The following RTN4 variants were observed in gnomAD, a reference collection of about 807,000 sequenced individuals.
RTN4 encodes the protein reticulon-4.
RTN4 carries 32 observed loss-of-function variants against 90.4 expected under a neutral mutation model. That is an observed-to-expected ratio of 0.35 (90% CI 0.27 to 0.48). The LOEUF is 0.48. Ranked by LOEUF, RTN4 falls within the 20% of genes least tolerant of loss-of-function variation. The probability of loss-of-function intolerance (pLI) is 0.99; values close to 1 mark genes in which losing one functional copy is unlikely to be tolerated. For synonymous variants in RTN4, 629 were observed against 552.5 expected, an observed-to-expected ratio of 1.14 and a Z score of -1.94; for missense variants, 1,706 against 1,430.2, an observed-to-expected ratio of 1.19 and a Z score of -3.11.
intron 8 of RTN4, 140 bp from the exon 9 acceptor site, chr2:54,973,338 T>G: frequency 1.1e-6 from 1 of 895,562 alleles, no homozygotes. Context: ...GCTATAATTT[T>G]GCCACCTTGG....
At chr2:55,063,992 G>A (rs929789305) in intron 2 of RTN4, among the ~76,000 whole-genome samples, 2 of 152,074 alleles carry the variant, frequency 1.3e-5, no homozygotes, top group Non-Finnish European at 1.5e-5. Flanking sequence ...CGACCAAGGT[G>A]GGAAGATTAC....
At chr2:54,998,916 C>T (rs1679653369) in intron 3 of RTN4, among the ~76,000 whole-genome samples, 2 of 152,148 alleles carry the variant, frequency 1.3e-5, no homozygotes, top group East Asian at 1.9e-4. Context: ...TCCTTCTATA[C>T]TGCAGAATAA....
intron 3 of RTN4, among the ~76,000 whole-genome samples, chr2:55,003,009 G>A (rs1432347344): frequency 2.6e-5 from 4 of 152,112 alleles, no homozygotes; most frequent in Non-Finnish European, 5.9e-5. Flanking sequence ...TAGGCACCAA[G>A]TCTTAGAAAC....
intron 1 of RTN4, among the ~76,000 whole-genome samples, chr2:55,101,464 A>C (rs924978748): frequency 6.6e-6 from 1 of 152,160 alleles, no homozygotes; most frequent in African/African-American, 2.4e-5. Flanking sequence ...TAATACAATA[A>C]CTGAAGTATT....
At chr2:55,077,451 A>C (rs1668623446) in intron 2 of RTN4, among the ~76,000 whole-genome samples, 1 of 152,164 alleles carries the variant, frequency 6.6e-6, no homozygotes, top group African/African-American at 2.4e-5. Flanking sequence ...GCCATAATCA[A>C]AAAATCAAAA....
intron 2 of RTN4, among the ~76,000 whole-genome samples, chr2:55,069,059 G>A (rs1164066891): frequency 1.3e-5 from 2 of 152,186 alleles, no homozygotes; most frequent in East Asian, 3.8e-4. Flanking sequence ...TGGGGAGAGG[G>A]CAAATAACAT....
intron 2 of RTN4, among the ~76,000 whole-genome samples, chr2:55,068,473 G>T (rs1668432171): frequency 6.6e-6 from 1 of 152,076 alleles, no homozygotes; most frequent in African/African-American, 2.4e-5. Flanking sequence ...TCACAGTGGT[G>T]AATACAGGTC....
intron 1 of RTN4, among the ~76,000 whole-genome samples, chr2:55,036,092 C>T (rs1682662127): frequency 6.6e-6 from 1 of 151,994 alleles, no homozygotes; most frequent in Non-Finnish European, 1.5e-5. Context: ...CAAACACTTC[C>T]CATAAAATTT....
rs1408261664 is a variant in RTN4 at position 54,973,614 on chromosome 2, A to G, written c.3485T>C (p.Ile1162Thr). 1.2e-6 allele frequency: 2 copies of G among 1,609,208 alleles called. No individual in the cohort carries two copies. Among genetic ancestry groups the G allele is most frequent in the Non-Finnish European group, 1.7e-6 (2 of 1,175,712 alleles). The change falls in exon 8 of 9, where the codon ATA (isoleucine) becomes ACA (threonine). Residue 1162 changes from isoleucine to threonine, a missense_variant. Physicochemically the swap from Ile to Thr is moderately conservative, Grantham distance 89 (BLOSUM62 -1). Coordinates refer to ENST00000337526, the MANE Select transcript of RTN4 (RefSeq NM_020532.5). ...PVIYERHQAQ[I>T]DHYLGLANKN... is the part of the protein sequence containing the mutation. ...ATTTGCAAGTCCTAGATAATGATCTATCTGTGCCTGAAAGAGAGGTATAAA... is the reference window on the plus strand; with the variant it reads ...ATTTGCAAGTCCTAGATAATGATCTGTCTGTGCCTGAAAGAGAGGTATAAA...
In RTN4 at chr2:55,089,527, C is replaced by T. The variant is rs369682009; in HGVS notation, c.-213-8888G>A. Among the ~76,000 whole-genome samples, 111 of 152,306 alleles carry T rather than the reference C, an allele frequency of 7.3e-4. 3 individuals carry two copies. In the South Asian group the frequency reaches 0.02, roughly 28 times the overall value. The stretch of plus-strand genomic sequence containing the variant: ...CCGGCATGATCTGCCAGGTAATTAA[C>T]GGATTTATCAATTACGGAAAAATCT... On this transcript the variant is annotated intron_variant, in intron 1 of 3. Transcript: ENST00000427710.
At chr2:55,054,749 C>T (rs149986630), upstream of RTN4, among the ~76,000 whole-genome samples, 104 of 152,202 alleles carry the variant, frequency 6.8e-4, no homozygotes, top group African/African-American at 2.4e-3. Context: ...TGTTCAGGAG[C>T]GCCACTGAAT....
intron 2 of RTN4, among the ~76,000 whole-genome samples, chr2:55,067,158 G>T (rs1277858796): frequency 6.6e-6 from 1 of 152,110 alleles, no homozygotes; most frequent in Admixed American, 6.5e-5. Flanking sequence ...TTAATGTCCA[G>T]CTCTGTCACT....
Position 55,026,077 on chromosome 2 carries a change from C to T in RTN4, c.2022G>A (p.Lys674=), listed in dbSNP as rs1224265733. Residue 674 remains lysine, a synonymous_variant, in exon 3 of 9, where the codon AAG becomes AAA. Transcript: ENST00000337526. The part of the protein sequence containing the change: ...SVSLKKVSGI[K]EEIKEPENIN... ...TATTTTCAGGCTCTTTAATTTCTTC[C>T]TTTATTCCTGATACTTTTTTTAGTG... is the stretch of plus-strand genomic sequence containing the variant. 6.2e-7 allele frequency: 1 copy of T among 1,611,188 alleles called. No homozygotes were observed. The highest frequency in any genetic ancestry group is 1.1e-5 in the South Asian group (1 of 90,414).
In RTN4 at chr2:55,088,922, GTTAT is replaced by G. The variant is rs139755357; in HGVS notation, c.-213-8287_-213-8284del. Among the ~76,000 whole-genome samples, 4 of 152,004 alleles carry G rather than the reference GTTAT, an allele frequency of 2.6e-5. No individual in the cohort carries two copies. In the East Asian group the frequency reaches 7.7e-4, roughly 29 times the overall value. On this transcript the variant is annotated intron_variant, in intron 1 of 3. Coordinates refer to the RTN4 transcript ENST00000427710. Reference sequence around the variant, plus strand: ...GCCAGACTGACAGCACAAGAATAGGGTTATTTATTTATTTATTTATTTATTTTGA... The same window carrying G: ...GCCAGACTGACAGCACAAGAATAGGGTTATTTATTTATTTATTTATTTTGA...
chr2:55,095,071 C>T (rs1669006672), intron 1 of RTN4, among the ~76,000 whole-genome samples: 1 of 152,096 alleles, frequency 6.6e-6, no homozygotes, highest in Non-Finnish European at 1.5e-5. Flanking sequence ...CACCTGTAAT[C>T]GCAGCACTTG....
intron 3 of RTN4, among the ~76,000 whole-genome samples, chr2:55,007,737 T>C (rs1214382755): frequency 6.6e-6 from 1 of 152,166 alleles, no homozygotes; most frequent in Non-Finnish European, 1.5e-5. Context: ...AAGCACTAGA[T>C]GATTCTCATC....
Position 55,027,094 on chromosome 2 carries a change from A to G in RTN4, c.1005T>C (p.Val335=), listed in dbSNP as rs778712090. 13 of 1,613,078 alleles carry G rather than the reference A, an allele frequency of 8.1e-6. No homozygotes were observed. The highest frequency in any genetic ancestry group is 1.7e-6 in the Non-Finnish European group (2 of 1,179,528). Reference sequence around the variant, plus strand: ...GTTGATTATGAAGGATGTTATTACTAACTAACTTCTCTTCTTCATCTTTAT... The same window carrying G: ...GTTGATTATGAAGGATGTTATTACTGACTAACTTCTCTTCTTCATCTTTAT... ...VKNKDEEEKL[V]SNNILHNQQE... is the part of the protein sequence containing the mutation. Residue 335 remains valine, a synonymous_variant, in exon 3 of 9, where the codon GTT becomes GTC. Coordinates refer to ENST00000337526, the MANE Select transcript of RTN4 (RefSeq NM_020532.5).
chr2:55,046,507 T>C (rs889637348), intron 1 of RTN4, among the ~76,000 whole-genome samples: 1 of 152,194 alleles, frequency 6.6e-6, no homozygotes, highest in African/African-American at 2.4e-5. Context: ...AAGCCTGTCT[T>C]AGTGTCACCT....
intron 5 of RTN4, among the ~76,000 whole-genome samples, chr2:54,975,137 T>G (rs1215936939): frequency 1.3e-5 from 2 of 152,214 alleles, no homozygotes; most frequent in Non-Finnish European, 2.9e-5. Context: ...ATGAACTAGT[T>G]GAGTGCTTGA....
Sources: gnomAD v4.1 joint callset for allele counts (sites outside exome capture counted in the v4.1 genomes callset) on GRCh38, gnomAD v4.1.1 for gene constraint, MANE v1.5 for transcripts, NCBI Gene and HGNC (gene_info 2026-07-23, HGNC 2026-07-21) for gene names.